POLA1: variants seen among roughly 807,000 people sequenced by gnomAD.
POLA1 encodes the protein DNA polymerase alpha catalytic subunit.
POLA1 carries 15 observed loss-of-function variants against 124.0 expected under a neutral mutation model. That is an observed-to-expected ratio of 0.12 (90% CI 0.08 to 0.19). POLA1 has a LOEUF of 0.19. Ranked by LOEUF, POLA1 falls within the 10% of genes least tolerant of loss-of-function variation. The probability of loss-of-function intolerance (pLI) is 1.00; values close to 1 mark genes in which losing one functional copy is unlikely to be tolerated. For synonymous variants in POLA1, 408 were observed against 389.4 expected, an observed-to-expected ratio of 1.05 and a Z score of -0.56; for missense variants, 886 against 1,103.4, an observed-to-expected ratio of 0.80 and a Z score of 2.79.
chrX:24,892,946 A>C (rs1382408488), intron 35 of POLA1, among the ~76,000 whole-genome samples: 1 of 112,184 alleles, frequency 8.9e-6, no homozygotes, highest in Admixed American at 9.4e-5. Flanking sequence ...GCTAAAGTCT[A>C]TTATAACAGA....
chrX:24,745,704 A>G (rs1931961419), intron 24 of POLA1, among the ~76,000 whole-genome samples, 162 bp downstream of exon 24: 1 of 112,127 alleles, frequency 8.9e-6, no homozygotes, highest in Admixed American at 9.4e-5. Flanking sequence ...GTATTCCCAG[A>G]GTTTGCAACC....
At chrX:24,870,165 G>C (rs2046845982) in intron 34 of POLA1, among the ~76,000 whole-genome samples, 1 of 111,781 alleles carries the variant, frequency 8.9e-6, no homozygotes. Flanking sequence ...CCAGATAACT[G>C]TACCCACATA....
intron 30 of POLA1, among the ~76,000 whole-genome samples, chrX:24,817,141 T>C (rs1343064822): frequency 1.8e-5 from 2 of 111,958 alleles, no homozygotes; most frequent in Non-Finnish European, 3.8e-5. Context: ...TCACTTAGCA[T>C]AGCTGTTGGC....
intron 15 of POLA1, 73 bp downstream of exon 15, chrX:24,728,009 T>C: frequency 1.2e-6 from 1 of 860,981 alleles, no homozygotes; most frequent in Non-Finnish European, 1.6e-6. Flanking sequence ...CAGCTTTGCT[T>C]TAAGAGAAAG....
chrX:24,952,427 T>C (rs1260946824), intron 36 of POLA1, among the ~76,000 whole-genome samples: 1 of 112,071 alleles, frequency 8.9e-6, no homozygotes, highest in Non-Finnish European at 1.9e-5. Flanking sequence ...CTTCAAGTGT[T>C]TGACCTGTTT....
At chrX:24,948,439 G>A (rs2047995248) in intron 36 of POLA1, among the ~76,000 whole-genome samples, 1 of 110,584 alleles carries the variant, frequency 9.0e-6, no homozygotes, top group African/African-American at 3.3e-5. Context: ...GAAAGTAGCA[G>A]TGCTTATCTT....
intron 26 of POLA1, among the ~76,000 whole-genome samples, chrX:24,782,429 G>A (rs1027165507): frequency 1.8e-5 from 2 of 111,706 alleles, no homozygotes; most frequent in Non-Finnish European, 3.8e-5. Flanking sequence ...AAACCAAGCT[G>A]CAATACAGTT....
At chrX:24,803,286 G>C (rs1273577499) in intron 26 of POLA1, among the ~76,000 whole-genome samples, 1 of 111,312 alleles carries the variant, frequency 9.0e-6, no homozygotes, top group Non-Finnish European at 1.9e-5. Context: ...CAGCTGGAGA[G>C]AAGGAGAGCA....
rs2045925814 is a variant in POLA1 at position 24,812,781 on chromosome X, G to A, written c.3214G>A (p.Gly1072Arg). ...AALVVEPTSD[G>R]NYVTKQELKG... is the part of the protein sequence containing the mutation. ...TCTGGTTGTTGAGCCAACGTCGGATGGGAATTATGTCACCAAACAGGAGCT... is the reference window on the plus strand; with the variant it reads ...TCTGGTTGTTGAGCCAACGTCGGATAGGAATTATGTCACCAAACAGGAGCT... Residue 1072 changes from glycine (G) to arginine (R), a missense_variant, in exon 29 of 37, where the codon GGG (glycine) becomes AGG (arginine). Transcript: ENST00000379068. The A allele has an allele frequency of 8.3e-7, 1 of 1,205,349 alleles. No individual in the cohort carries two copies. Among genetic ancestry groups the A allele is most frequent in the Non-Finnish European group, 1.1e-6 (1 of 889,810 alleles).
chrX:24,776,187 T>C (rs1202726559), intron 26 of POLA1, among the ~76,000 whole-genome samples: 2 of 112,529 alleles, frequency 1.8e-5, no homozygotes, highest in East Asian at 5.5e-4. Context: ...ATTTATTTTA[T>C]CCACCTTTTA....
intron 29 of POLA1, 65 bp downstream of exon 29, chrX:24,812,928 A>G (rs2045928787): frequency 6.6e-6 from 4 of 606,017 alleles, no homozygotes; most frequent in African/African-American, 4.5e-5. Context: ...TGAATGATGT[A>G]GAGAATGCTT....
intron 34 of POLA1, among the ~76,000 whole-genome samples, chrX:24,887,303 T>C (rs2047077334): frequency 8.9e-6 from 1 of 112,197 alleles, no homozygotes; most frequent in Non-Finnish European, 1.9e-5. Flanking sequence ...AGAAGAGGGT[T>C]CTAAAAGACA....
intron 30 of POLA1, among the ~76,000 whole-genome samples, chrX:24,818,592 T>C (rs2046033599): frequency 8.9e-6 from 1 of 111,905 alleles, no homozygotes; most frequent in Non-Finnish European, 1.9e-5. Context: ...CTTTATACTC[T>C]TAAAATAATT....
chrX:24,937,999 G>GA (rs1373375636), intron 36 of POLA1, among the ~76,000 whole-genome samples: 2 of 112,297 alleles, frequency 1.8e-5, no homozygotes, highest in Admixed American at 1.9e-4. Context: ...TAAGAGAGGG[G>GA]AAAAAAGCCA....
intron 34 of POLA1, among the ~76,000 whole-genome samples, chrX:24,882,684 G>GGGGT (rs1267772499): frequency 3.4e-5 from 3 of 87,610 alleles, no homozygotes; most frequent in Admixed American, 1.3e-4. Flanking sequence ...TATATTCCAT[G>GGGGT]GTGTGTGTGT....
intron 34 of POLA1, among the ~76,000 whole-genome samples, chrX:24,869,051 C>T (rs778184196): frequency 1.3e-4 from 15 of 111,681 alleles, no homozygotes; most frequent in East Asian, 2.8e-4. Context: ...CTCCCAACTC[C>T]GCCTCTCAAG....
At chrX:24,861,687 T>A (rs1240809003) in intron 34 of POLA1, among the ~76,000 whole-genome samples, 1 of 112,338 alleles carries the variant, frequency 8.9e-6, no homozygotes. Context: ...GAATCAGTTG[T>A]ATATTTCAGA....
At chrX:24,865,480 GTC>G (rs1247421805) in intron 34 of POLA1, among the ~76,000 whole-genome samples, 8 of 111,795 alleles carry the variant, frequency 7.2e-5, no homozygotes. Flanking sequence ...ATTGCTAAAT[GTC>G]TCTTTTCTCA....
At chrX:24,994,381 G>A (rs1013585797) in intron 36 of POLA1, among the ~76,000 whole-genome samples, 1 of 112,703 alleles carries the variant, frequency 8.9e-6, no homozygotes, top group African/African-American at 3.2e-5. Flanking sequence ...CGGGTGTTTT[G>A]TAGACTTCCC....
Sources: allele counts gnomAD v4.1 joint callset (sites outside exome capture counted in the v4.1 genomes callset), GRCh38; gene constraint gnomAD v4.1.1; transcripts MANE v1.5; gene names NCBI Gene and HGNC (gene_info 2026-07-23, HGNC 2026-07-21).